The following CHD1L variants were observed in gnomAD, a reference collection of about 807,000 sequenced individuals.
CHD1L encodes chromodomain helicase DNA binding protein 1 like.
In CHD1L, 118 loss-of-function variants were observed where a neutral mutation model predicts 115.9. The ratio of observed to expected loss-of-function variants is 1.02; its 90% confidence interval spans 0.88 to 1.19. The LOEUF is 1.19. Ranked by LOEUF, CHD1L falls within the 50% of genes most tolerant of loss-of-function variation. CHD1L has a pLI of 0.00. For synonymous variants in CHD1L, 411 were observed against 387.1 expected (o/e 1.06, Z -0.72); for missense variants, 1,179 against 1,065.3 (o/e 1.11, Z -1.49).
At chr1:147,197,095 T>C in the CHD1L span, among the ~76,000 whole-genome samples, 1 of 152,218 alleles carries the variant, frequency 6.6e-6, no homozygotes, top group African/African-American at 2.4e-5. Context: ...TGATATTGCC[T>C]GTGAATATTT....
intron 9 of CHD1L, 45 bp from the exon 10 acceptor site, chr1:147,268,737 C>T (rs1553950378): frequency 2.0e-6 from 3 of 1,518,314 alleles, no homozygotes; most frequent in Non-Finnish European, 2.7e-6. Flanking sequence ...TGGCTTCTGC[C>T]CTTACTGAGG....
the CHD1L span, chr1:147,176,117 CTA>C: frequency 6.6e-6 from 1 of 152,078 alleles, no homozygotes; most frequent in African/African-American, 2.4e-5. Flanking sequence ...AAATTAAAAA[CTA>C]TTAATAAAAT....
chr1:147,217,523 G>C, the CHD1L span, among the ~76,000 whole-genome samples: 1 of 152,144 alleles, frequency 6.6e-6, no homozygotes. Flanking sequence ...GAGAGTGTTT[G>C]TTGTTTGTTG....
chr1:147,288,902 T>G (rs1407049382), intron 19 of CHD1L, among the ~76,000 whole-genome samples: 2 of 152,126 alleles, frequency 1.3e-5, no homozygotes, highest in Admixed American at 6.5e-5. Flanking sequence ...TCCTTTTACA[T>G]CCAGAAATAA....
chr1:147,258,608 T>C (rs1553941861), intron 5 of CHD1L, among the ~76,000 whole-genome samples: 1 of 152,174 alleles, frequency 6.6e-6, no homozygotes, highest in Non-Finnish European at 1.5e-5. Flanking sequence ...CAGTCCTCCC[T>C]CTACTCGCTT....
At chr1:147,218,471 C>A in the CHD1L span, among the ~76,000 whole-genome samples, 3 of 151,968 alleles carry the variant, frequency 2.0e-5, no homozygotes, top group African/African-American at 7.3e-5. Flanking sequence ...CTCCTGACCT[C>A]GTGATCCGCC....
the CHD1L span, chr1:147,215,078 C>G: frequency 6.6e-6 from 1 of 152,050 alleles, no homozygotes; most frequent in Non-Finnish European, 1.5e-5. Flanking sequence ...CTTTTATGGT[C>G]ATGATCAGAA....
intron 16 of CHD1L, 67 bp from the exon 17 acceptor site, chr1:147,285,257 G>C: frequency 6.6e-7 from 1 of 1,526,548 alleles, no homozygotes; most frequent in Non-Finnish European, 8.9e-7. Flanking sequence ...TACAGTGTGT[G>C]TTAGGGATAA....
At chr1:147,290,710 C>T (rs2102994838) in intron 19 of CHD1L, among the ~76,000 whole-genome samples, 1 of 152,062 alleles carries the variant, frequency 6.6e-6, no homozygotes, top group East Asian at 1.9e-4. Context: ...CTGGAGTGCA[C>T]TGGCGTGATC....
chr1:147,212,680 A>G, the CHD1L span: 2 of 757,480 alleles, frequency 2.6e-6, no homozygotes, highest in Non-Finnish European at 4.2e-6. Context: ...TGCCTTTCTC[A>G]GTATTTTTGC....
chr1:147,184,477 C>T, the CHD1L span: 2 of 1,503,836 alleles, frequency 1.3e-6, no homozygotes, highest in Non-Finnish European at 1.8e-6. The surrounding 1 kb of genome is among the most constrained non-coding windows in gnomAD (Gnocchi z 4.4). Flanking sequence ...CAGGATACTA[C>T]ATTACATTTA....
chr1:147,276,171 T>A lies in CHD1L; in HGVS notation c.1453T>A (p.Ser485Thr). The change falls in exon 14 of 23, where the codon TCC becomes ACC. Residue 485 changes from serine (S) to threonine (T), a missense_variant. Physicochemically the swap from Ser to Thr is moderately conservative, Grantham distance 58. Transcript: ENST00000369258. ...VEEIVYRKAASKLQLTNMIIE... is the reference protein window; with the variant it reads ...VEEIVYRKAATKLQLTNMIIE... ...AGAAATAGTCTATAGGAAAGCAGCC[T>A]CCAAACTGCAGCTCACCAACATGAT... is the stretch of plus-strand genomic sequence containing the variant. The A allele has an allele frequency of 6.2e-7, 1 of 1,614,200 alleles. No individual in the cohort carries two copies. The highest frequency in any genetic ancestry group is 1.1e-5 in the South Asian group (1 of 91,090).
Position 147,267,469 on chromosome 1 carries a change from C to T in CHD1L, c.939C>T (p.Asn313=). 1 of 1,612,802 alleles carries T rather than the reference C, an allele frequency of 6.2e-7. No homozygotes were observed. Among genetic ancestry groups the T allele is most frequent in the African/African-American group, 1.3e-5 (1 of 74,952 alleles). ...NETAKKVKLQ[N]ILSQLRKCVD... is the part of the protein sequence containing the mutation. ...CGGCAAAGAAAGTTAAACTACAGAA[C>T]ATTTTGTCCCAGCTTCGAAAGTGTG... Residue 313 remains asparagine, a synonymous_variant, in exon 9 of 23, where the codon AAC becomes AAT. Transcript: ENST00000369258.
intron 12 of CHD1L, 50 bp from the exon 13 acceptor site, chr1:147,275,304 G>C: frequency 7.3e-7 from 1 of 1,374,808 alleles, no homozygotes. Flanking sequence ...TTATTTTCTA[G>C]CTCCTCGTCT....
In CHD1L at chr1:147,264,936, G is replaced by A. The variant is rs587658353; in HGVS notation, c.739+352G>A. On this transcript the variant is annotated intron_variant, in intron 7 of 22. Transcript: ENST00000369258. ...CTTCCTGAGGGAGAAAAGAATGTGGGTGCTGTAGTCCCAAACTACTGTTCA... is the reference window on the plus strand; with the variant it reads ...CTTCCTGAGGGAGAAAAGAATGTGGATGCTGTAGTCCCAAACTACTGTTCA... Among the ~76,000 whole-genome samples the A allele has an allele frequency of 4.4e-4, 67 of 152,272 alleles. 2 individuals are homozygous for A. In the South Asian group the frequency reaches 0.014, roughly 32 times the overall value.
chr1:147,203,528 A>T, the CHD1L span: 2 of 899,046 alleles, frequency 2.2e-6, no homozygotes, highest in South Asian at 2.6e-5. Flanking sequence ...TAAAGTTTAG[A>T]GATTACTTCA....
chr1:147,266,108 C>A, intron 8 of CHD1L, 21 bp downstream of exon 8: 1 of 1,589,742 alleles, frequency 6.3e-7, no homozygotes, highest in Non-Finnish European at 8.6e-7. Flanking sequence ...GGCACTTGTC[C>A]ATTTAGAAAC....
At chr1:147,272,859 A>G (rs968685646) in intron 12 of CHD1L, among the ~76,000 whole-genome samples, 11 of 150,660 alleles carry the variant, frequency 7.3e-5, no homozygotes, top group Admixed American at 6.6e-4. Context: ...ATTTGAAATC[A>G]GCTCTTGGAG....
At chr1:147,175,341 A>G in the CHD1L span, 1 of 152,174 alleles carries the variant, frequency 6.6e-6, no homozygotes, top group East Asian at 1.9e-4. Context: ...GAAAAAACAT[A>G]ATGTCCTTCA....
Sources: gnomAD v4.1 joint callset for allele counts (sites outside exome capture counted in the v4.1 genomes callset) on GRCh38, gnomAD v4.1.1 for gene constraint, Gnocchi (gnomAD v3.1) non-coding constraint, MANE v1.5 for transcripts, NCBI Gene and HGNC (gene_info 2026-07-23, HGNC 2026-07-21) for gene names.